Variants in ARHGEF4 observed in about 807,000 individuals in gnomAD.
ARHGEF4 encodes Rho guanine nucleotide exchange factor 4.
ARHGEF4 carries 119 observed loss-of-function variants against 162.0 expected under a neutral mutation model. That is an observed-to-expected ratio of 0.73 (90% CI 0.63 to 0.86). ARHGEF4 has a LOEUF of 0.86. Ranked by LOEUF, ARHGEF4 falls within the 40% of genes least tolerant of loss-of-function variation. The probability of loss-of-function intolerance (pLI) is 0.00; values close to 1 mark genes in which losing one functional copy is unlikely to be tolerated. For missense variants in ARHGEF4, 2,488 were observed against 2,456.0 expected (o/e 1.01, Z -0.28); for synonymous variants, 1,014 against 979.9 (o/e 1.03, Z -0.65).
At chr2:130,878,134 C>T (rs915467542) in intron 1 of ARHGEF4, among the ~76,000 whole-genome samples, 17 of 152,066 alleles carry the variant, frequency 1.1e-4, no homozygotes, top group African/African-American at 3.4e-4. Context: ...AATTTAAGAG[C>T]GAAATCATAA....
At chr2:131,022,059 T>A (rs1191532057) in intron 4 of ARHGEF4, among the ~76,000 whole-genome samples, 1 of 152,212 alleles carries the variant, frequency 6.6e-6, no homozygotes, top group Admixed American at 6.5e-5. Context: ...TTTCCTAGTA[T>A]TTTGTTGAGG....
chr2:130,867,274 C>CT lies in ARHGEF4; in HGVS notation c.39+30283dup, dbSNP rs543427166. 3.4e-3 allele frequency among the ~76,000 whole-genome samples: 520 copies of CT among 151,618 alleles called. 5 individuals are homozygous for CT. The highest frequency in any genetic ancestry group is 3.3e-3 in the Non-Finnish European group (222 of 67,984). On this transcript the variant is annotated intron_variant, in intron 1 of 13. Coordinates refer to ENST00000409359, the MANE Select transcript of ARHGEF4 (RefSeq NM_001367493.1). The stretch of plus-strand genomic sequence containing the variant: ...TTTTTTAATGAGACGGAGTCTCACT[C>CT]TATCACCAGGCTGGAGTGCAGTGGT...
chr2:130,915,750 G>C lies in ARHGEF4; in HGVS notation c.1804G>C (p.Glu602Gln). 6.5e-7 allele frequency: 1 copy of C among 1,542,300 alleles called. No individual in the cohort carries two copies. Among genetic ancestry groups the C allele is most frequent in the Non-Finnish European group, 8.8e-7 (1 of 1,142,582 alleles). Residue 602 changes from glutamate (E) to glutamine (Q), a missense_variant, in exon 2 of 14, where the codon GAG (glutamate) becomes CAG (glutamine). Coordinates refer to ENST00000409359, the MANE Select transcript of ARHGEF4 (RefSeq NM_001367493.1). ...GGTGTCTCACTGCGGCCCCGGGGCT[G>C]AGGAGGGTGAACAGGGGCCTGGGGG... is the stretch of plus-strand genomic sequence containing the variant. ...ATVSHCGPGAEEGEQGPGGAG... is the reference protein window; with the variant it reads ...ATVSHCGPGAQEGEQGPGGAG...
At chr2:131,039,746 G>C (rs1415077038) in intron 6 of ARHGEF4, 1 of 1,358,234 alleles carries the variant, frequency 7.4e-7, no homozygotes, top group Non-Finnish European at 9.4e-7. Flanking sequence ...AAGCGCTCCA[G>C]CCTCTGTGCC....
At chr2:130,932,810 T>C (rs1432578132) in intron 3 of ARHGEF4, among the ~76,000 whole-genome samples, 3 of 152,170 alleles carry the variant, frequency 2.0e-5, no homozygotes, top group Admixed American at 2.0e-4. Flanking sequence ...TTGTATGGTA[T>C]GAGATAGAGG....
chr2:131,040,203 G>A lies in ARHGEF4; in HGVS notation c.4482+11G>A. ...CGCGACATCTGCGAGGTGAGGCCCGGCCGGCGGGCGGTGACTGGGGACCCG... is the reference window on the plus strand; with the variant it reads ...CGCGACATCTGCGAGGTGAGGCCCGACCGGCGGGCGGTGACTGGGGACCCG... On this transcript the variant is annotated intron_variant, in intron 7 of 13. Coordinates refer to ENST00000409359, the MANE Select transcript of ARHGEF4 (RefSeq NM_001367493.1). 6.2e-7 allele frequency: 1 copy of A among 1,608,822 alleles called. No homozygotes were observed. The highest frequency in any genetic ancestry group is 2.2e-5 in the East Asian group (1 of 44,754).
chr2:130,917,579 G>A (rs1681581728), intron 2 of ARHGEF4, 81 bp downstream of exon 2: 25 of 1,457,348 alleles, frequency 1.7e-5, no homozygotes, highest in Middle Eastern at 5.0e-4. Context: ...TCTTCCTGAG[G>A]GGAGAGGTAA....
At chr2:131,010,915 TA>T (rs1256270239) in intron 4 of ARHGEF4, among the ~76,000 whole-genome samples, 1 of 152,218 alleles carries the variant, frequency 6.6e-6, no homozygotes, top group Non-Finnish European at 1.5e-5. Flanking sequence ...TTTATGTGTT[TA>T]AAGCAGATCC....
intron 2 of ARHGEF4, among the ~76,000 whole-genome samples, chr2:130,927,183 C>T (rs1682348231): frequency 6.6e-6 from 1 of 152,070 alleles, no homozygotes; most frequent in South Asian, 2.1e-4. Flanking sequence ...GATGGTGATA[C>T]TCCTGCTCTG....
chr2:130,865,318 G>C (rs554279542), intron 1 of ARHGEF4, among the ~76,000 whole-genome samples: 63 of 152,330 alleles, frequency 4.1e-4, no homozygotes, highest in African/African-American at 1.4e-3. Flanking sequence ...AGTGCCTTCT[G>C]GGGTAACCCA....
chr2:130,923,576 C>G (rs975163407), intron 2 of ARHGEF4, among the ~76,000 whole-genome samples: 2 of 152,200 alleles, frequency 1.3e-5, no homozygotes, highest in African/African-American at 4.8e-5. Flanking sequence ...GGACACTGTA[C>G]TGAATAATAC....
chr2:131,046,411 C>A lies in ARHGEF4; in HGVS notation c.*222C>A. 1 of 552,282 alleles carries A rather than the reference C, an allele frequency of 1.8e-6. No individual in the cohort carries two copies. Among genetic ancestry groups the A allele is most frequent in the South Asian group, 2.4e-5 (1 of 41,634 alleles). 34.2% of individuals were successfully genotyped at this position (552,282 alleles called of 1,614,324 possible). On this transcript the variant is annotated 3_prime_UTR_variant, in exon 14 of 14. Transcript: ENST00000409359. ...CCAGCAAGGGGGCAGACCCCGCACT[C>A]GCCACACCGCCGCTGCAGCTTGGGC...
In ARHGEF4 at chr2:131,046,389, G is replaced by GC. The variant is rs1194491487; in HGVS notation, c.*201dup. On this transcript the variant is annotated 3_prime_UTR_variant, in exon 14 of 14. Transcript: ENST00000409359. ...TGCTCCTGGTGCCCTGAAGAGACCA[G>GC]CAAGGGGGCAGACCCCGCACTCGCC... 1 of 608,458 alleles carries GC rather than the reference G, an allele frequency of 1.6e-6. No homozygotes were observed. The highest frequency in any genetic ancestry group is 2.8e-6 in the Non-Finnish European group (1 of 352,520). 37.7% of individuals were successfully genotyped at this position (608,458 alleles called of 1,614,324 possible). A position where few individuals can be genotyped will look rare whatever the true frequency, so the allele number is the denominator to read the frequency against.
chr2:131,017,187 CT>C (rs1208647744), intron 4 of ARHGEF4, among the ~76,000 whole-genome samples: 8 of 152,184 alleles, frequency 5.3e-5, no homozygotes, highest in Non-Finnish European at 1.0e-4. Flanking sequence ...TAACGCTTTC[CT>C]ATGAATTAGC....
chr2:130,924,231 A>C (rs1457726822), intron 2 of ARHGEF4, among the ~76,000 whole-genome samples: 1 of 150,876 alleles, frequency 6.6e-6, no homozygotes, highest in African/African-American at 2.4e-5. Flanking sequence ...TTGCTGTAGA[A>C]TTTAACCCTC....
At chr2:130,909,458 A>G (rs72992468) in intron 1 of ARHGEF4, among the ~76,000 whole-genome samples, 1,786 of 152,330 alleles carry the variant, frequency 0.012, 33 homozygotes, top group African/African-American at 0.04. Context: ...ATGAAATTCT[A>G]GAAAAGGCAA....
At chr2:131,003,137 C>T (rs1357158793) in intron 4 of ARHGEF4, among the ~76,000 whole-genome samples, 3 of 152,112 alleles carry the variant, frequency 2.0e-5, no homozygotes, top group African/African-American at 4.8e-5. Flanking sequence ...ATGGGGCATT[C>T]GCTGTTCTAC....
chr2:130,964,169 GCGGCCGCGGAGGCA>G, intron 4 of ARHGEF4: 2 of 985,324 alleles, frequency 2.0e-6, no homozygotes, highest in Non-Finnish European at 2.4e-6. Context: ...GTGGTGTGTG[GCGGCCGCGGAGGCA>G]ACGGGGGCAT....
At chr2:131,020,187 T>C (rs1302907524) in intron 4 of ARHGEF4, among the ~76,000 whole-genome samples, 1 of 151,748 alleles carries the variant, frequency 6.6e-6, no homozygotes, top group Non-Finnish European at 1.5e-5. Flanking sequence ...TCTTTTTCTT[T>C]ATTTTATTTT....
Sources: gnomAD v4.1 joint callset for allele counts (sites outside exome capture counted in the v4.1 genomes callset) on GRCh38, gnomAD v4.1.1 for gene constraint, MANE v1.5 for transcripts, NCBI Gene and HGNC (gene_info 2026-07-23, HGNC 2026-07-21) for gene names.